VOPP1: variants seen among roughly 807,000 people sequenced by gnomAD.
VOPP1 encodes the protein WW domain binding protein VOPP1.
In VOPP1, 8 loss-of-function variants were observed where a neutral mutation model predicts 23.5. That is an observed-to-expected ratio of 0.34 (90% CI 0.20 to 0.61). VOPP1 has a LOEUF of 0.61. Ranked by LOEUF, VOPP1 falls within the 20% of genes least tolerant of loss-of-function variation. The pLI is 0.78. For missense variants in VOPP1, 174 were observed against 238.1 expected (o/e 0.73, Z 1.77); for synonymous variants, 83 against 97.3 (o/e 0.85, Z 0.86).
At chr7:55,525,018 G>C (rs1238883176) in intron 1 of VOPP1, among the ~76,000 whole-genome samples, 2 of 152,114 alleles carry the variant, frequency 1.3e-5, no homozygotes, top group South Asian at 2.1e-4. Context: ...CAAGCAAGCG[G>C]GAAGAGGCAG....
chr7:55,495,522 C>G (rs1793890552), intron 3 of VOPP1, among the ~76,000 whole-genome samples: 1 of 152,158 alleles, frequency 6.6e-6, no homozygotes, highest in Non-Finnish European at 1.5e-5. Context: ...AGGTGCTGTC[C>G]CTCTGCCCCA....
intron 1 of VOPP1, chr7:55,530,879 G>C (rs1796461070): frequency 6.6e-6 from 1 of 152,096 alleles, no homozygotes; most frequent in South Asian, 2.1e-4. Flanking sequence ...TCAAACACAA[G>C]TGTGTCCAGC....
At chr7:55,527,200 G>A (rs1054010417) in intron 1 of VOPP1, among the ~76,000 whole-genome samples, 6 of 152,096 alleles carry the variant, frequency 3.9e-5, no homozygotes, top group African/African-American at 1.2e-4. Context: ...TTCCTGTACT[G>A]GAATTTCAAT....
intron 4 of VOPP1, among the ~76,000 whole-genome samples, chr7:55,458,920 AAG>A (rs1236965637): frequency 6.6e-6 from 1 of 152,154 alleles, no homozygotes; most frequent in African/African-American, 2.4e-5. Context: ...TATGTTGAAT[AAG>A]AGTGGTGAAT....
At chr7:55,544,442 G>A (rs1434189543) in intron 1 of VOPP1, among the ~76,000 whole-genome samples, 3 of 152,168 alleles carry the variant, frequency 2.0e-5, no homozygotes, top group Non-Finnish European at 4.4e-5. Context: ...AAGGCAGAAC[G>A]GGGAACGCTG....
rs1411524265 is a variant in VOPP1, at chr7:55,572,162, C to A, written c.54+109G>T. On this transcript the variant is annotated intron_variant, in intron 1 of 4. Transcript: ENST00000285279. Reference sequence around the variant, plus strand: ...GGGCTGTGGCTCCCCGTCGCTCCACCGTCTGCGCTCCCAGGCAAGGTCCTC... The same window carrying A: ...GGGCTGTGGCTCCCCGTCGCTCCACAGTCTGCGCTCCCAGGCAAGGTCCTC... 5.8e-6 allele frequency: 5 copies of A among 857,456 alleles called. No individual in the cohort carries two copies. The East Asian group carries it at 1.0e-4, about 18-fold the overall frequency. 53.1% of individuals were successfully genotyped at this position (857,456 alleles called of 1,614,324 possible).
chr7:55,467,459 A>G (rs1791662067), downstream of VOPP1, among the ~76,000 whole-genome samples: 3 of 152,202 alleles, frequency 2.0e-5, no homozygotes, highest in South Asian at 6.2e-4. Flanking sequence ...TCTGAGAAAC[A>G]GCTCCTCCCT....
At chr7:55,511,881 G>A (rs1172970378) in intron 2 of VOPP1, among the ~76,000 whole-genome samples, 6 of 152,182 alleles carry the variant, frequency 3.9e-5, no homozygotes, top group African/African-American at 9.6e-5. Flanking sequence ...TGACACTGGT[G>A]CACATCTTCA....
chr7:55,516,583 C>A (rs948690780), intron 2 of VOPP1, among the ~76,000 whole-genome samples: 1 of 152,106 alleles, frequency 6.6e-6, no homozygotes, highest in Non-Finnish European at 1.5e-5. Flanking sequence ...AGGGAGAAGG[C>A]GGCTGCCACC....
chr7:55,557,763 C>A (rs1052779824), intron 1 of VOPP1, among the ~76,000 whole-genome samples: 3 of 152,252 alleles, frequency 2.0e-5, no homozygotes, highest in African/African-American at 7.2e-5. Context: ...AACCTACACA[C>A]AACCACAAGG....
At chr7:55,502,818 A>T (rs915399515) in intron 2 of VOPP1, among the ~76,000 whole-genome samples, 5 of 152,206 alleles carry the variant, frequency 3.3e-5, no homozygotes, top group African/African-American at 1.2e-4. Flanking sequence ...GCAAGACTAC[A>T]CCTTTGCAGA....
intron 1 of VOPP1, among the ~76,000 whole-genome samples, chr7:55,568,579 C>T (rs182792847): frequency 6.6e-6 from 1 of 152,176 alleles, no homozygotes; most frequent in Admixed American, 6.5e-5. Flanking sequence ...AAATAGCATA[C>T]TATACATTTC....
intron 1 of VOPP1, among the ~76,000 whole-genome samples, chr7:55,522,746 C>G (rs1795947524): frequency 6.6e-6 from 1 of 152,216 alleles, no homozygotes; most frequent in South Asian, 2.1e-4. Flanking sequence ...TCCGCAGAGA[C>G]AGGCCACAGC....
chr7:55,538,593 A>C, intron 1 of VOPP1: 1 of 1,534,776 alleles, frequency 6.5e-7, no homozygotes, highest in South Asian at 1.2e-5. Flanking sequence ...TAACAAACAT[A>C]ATAATCCATC....
intron 1 of VOPP1, among the ~76,000 whole-genome samples, chr7:55,551,311 A>C (rs1437643110): frequency 6.6e-6 from 1 of 152,170 alleles, no homozygotes; most frequent in African/African-American, 2.4e-5. Flanking sequence ...ACATCAAAGC[A>C]ATGTCCTGGA....
intron 2 of VOPP1, among the ~76,000 whole-genome samples, chr7:55,506,680 CCAGGCTG>C (rs1794750650): frequency 6.6e-6 from 1 of 152,060 alleles, no homozygotes; most frequent in East Asian, 1.9e-4. Context: ...CTCTTGTTGC[CCAGGCTG>C]AAGTTCAATG....
downstream of VOPP1, among the ~76,000 whole-genome samples, chr7:55,435,650 C>T (rs1583774262): frequency 6.6e-6 from 1 of 152,196 alleles, no homozygotes; most frequent in African/African-American, 2.4e-5. Context: ...AGGCAGGGCT[C>T]CTTTATGATC....
At chr7:55,536,767 G>C (rs1157518057) in intron 1 of VOPP1, among the ~76,000 whole-genome samples, 2 of 152,202 alleles carry the variant, frequency 1.3e-5, no homozygotes, top group Non-Finnish European at 2.9e-5. Context: ...CGTGACCACA[G>C]GGGCGGCGTG....
At chr7:55,461,676 A>G (rs533786121) in intron 4 of VOPP1, among the ~76,000 whole-genome samples, 3 of 152,290 alleles carry the variant, frequency 2.0e-5, no homozygotes, top group Non-Finnish European at 2.9e-5. Flanking sequence ...TCAGCCTCCC[A>G]AAGTGCTGGG....
Sources: gnomAD v4.1 joint callset for allele counts (sites outside exome capture counted in the v4.1 genomes callset) on GRCh38, gnomAD v4.1.1 for gene constraint, MANE v1.5 for transcripts, NCBI Gene and HGNC (gene_info 2026-07-23, HGNC 2026-07-21) for gene names.